Variants in GRIK4 observed in about 807,000 individuals in gnomAD.
GRIK4 encodes glutamate ionotropic receptor kainate type subunit 4.
A neutral mutation model predicts 104.9 loss-of-function variants in GRIK4; 40 were observed. That is an observed-to-expected ratio of 0.38 (90% CI 0.30 to 0.50). The LOEUF is 0.50. Among genes scored for constraint, GRIK4 ranks in the 20% least tolerant of loss-of-function variants. The probability of loss-of-function intolerance (pLI) is 0.93; values close to 1 mark genes in which losing one functional copy is unlikely to be tolerated. For synonymous variants in GRIK4, 485 were observed against 524.9 expected, an observed-to-expected ratio of 0.92 and a Z score of 1.04; for missense variants, 1,047 against 1,308.1, an observed-to-expected ratio of 0.80 and a Z score of 3.08.
chr11:120,598,863 T>A (rs915815845), intron 1 of GRIK4, among the ~76,000 whole-genome samples: 1 of 152,254 alleles, frequency 6.6e-6, no homozygotes, highest in African/African-American at 2.4e-5. Context: ...TCCTCTGTTA[T>A]TTCATGTCTG....
chr11:120,805,398 T>C (rs1952692619), intron 4 of GRIK4, among the ~76,000 whole-genome samples: 1 of 152,192 alleles, frequency 6.6e-6, no homozygotes, highest in African/African-American at 2.4e-5. Context: ...TTTCCTCTTT[T>C]AGTGACCCAT....
At chr11:120,832,071 ACCCTCCC>A in intron 7 of GRIK4, 41 bp downstream of exon 7, 1 of 1,364,994 alleles carries the variant, frequency 7.3e-7, no homozygotes, top group Non-Finnish European at 1.0e-6. Flanking sequence ...GCTGAGCTCC[ACCCTCCC>A]CCCTCCTTGC....
chr11:120,780,910 T>G (rs1952143750), intron 3 of GRIK4, among the ~76,000 whole-genome samples: 1 of 151,954 alleles, frequency 6.6e-6, no homozygotes, highest in Non-Finnish European at 1.5e-5. Context: ...CCTGGCTAAT[T>G]TTTTTGCATT....
chr11:120,688,685 A>G (rs919952371), intron 3 of GRIK4, among the ~76,000 whole-genome samples: 1 of 152,250 alleles, frequency 6.6e-6, no homozygotes, highest in Admixed American at 6.5e-5. Context: ...CAATATGGAG[A>G]TCTGCATGAG....
chr11:120,683,845 A>G (rs1164044791), intron 3 of GRIK4, among the ~76,000 whole-genome samples: 3 of 152,248 alleles, frequency 2.0e-5, no homozygotes, highest in Non-Finnish European at 4.4e-5. Flanking sequence ...AAGGGTCTTG[A>G]CAGACCAGCA....
intron 1 of GRIK4, among the ~76,000 whole-genome samples, chr11:120,607,950 GA>G (rs1948982752): frequency 6.6e-6 from 1 of 152,174 alleles, no homozygotes; most frequent in Non-Finnish European, 1.5e-5. Context: ...GAAGAGATTG[GA>G]AAAGACAGTG....
intron 1 of GRIK4, among the ~76,000 whole-genome samples, chr11:120,590,048 C>T (rs565746882): frequency 4.6e-5 from 7 of 152,308 alleles, no homozygotes; most frequent in Non-Finnish European, 1.0e-4. Flanking sequence ...TAGCTGTGTC[C>T]AAGGCCAAGG....
chr11:120,746,579 A>T (rs1951442177), intron 3 of GRIK4, among the ~76,000 whole-genome samples: 1 of 152,210 alleles, frequency 6.6e-6, no homozygotes, highest in Non-Finnish European at 1.5e-5. Flanking sequence ...AACATAAAAA[A>T]TGCCTTAGGA....
intron 3 of GRIK4, among the ~76,000 whole-genome samples, chr11:120,735,849 G>T (rs558513534): frequency 1.3e-5 from 2 of 152,254 alleles, no homozygotes; most frequent in South Asian, 4.2e-4. Context: ...CCAGACCACT[G>T]CTAATGTTCC....
chr11:120,598,917 A>T (rs1948842516), intron 1 of GRIK4, among the ~76,000 whole-genome samples: 1 of 152,180 alleles, frequency 6.6e-6, no homozygotes, highest in Admixed American at 6.5e-5. Context: ...CCAAGTCCAG[A>T]CTCAAGGGAT....
intron 1 of GRIK4, among the ~76,000 whole-genome samples, chr11:120,554,257 CAGACAAGGTTT>C (rs1948166753): frequency 6.6e-6 from 1 of 152,234 alleles, no homozygotes; most frequent in Admixed American, 6.5e-5. Flanking sequence ...ATATCATTGG[CAGACAAGGTTT>C]ATGTTCTAAA....
chr11:120,787,852 C>CTTTTTTTTTTT lies in GRIK4; in HGVS notation c.83-14822_83-14812dup, dbSNP rs58523604. 1.2e-3 allele frequency among the ~76,000 whole-genome samples: 94 copies of CTTTTTTTTTTT among 77,106 alleles called. 8 individuals are homozygous for CTTTTTTTTTTT. Among genetic ancestry groups the CTTTTTTTTTTT allele is most frequent in the Non-Finnish European group, 1.5e-3 (66 of 43,564 alleles). 50.6% of individuals were successfully genotyped at this position (77,106 alleles called of 152,430 possible). On this transcript the variant is annotated intron_variant, in intron 3 of 20. Transcript: ENST00000527524. The stretch of plus-strand genomic sequence containing the variant: ...TTTCTTCTCTTTTTTCTTTTCTTTT[C>CTTTTTTTTTTT]TTTTTTTTTTTTTTTTTTTTTTTTT...
intron 1 of GRIK4, among the ~76,000 whole-genome samples, chr11:120,607,026 G>C (rs1948971503): frequency 1.3e-5 from 2 of 152,180 alleles, no homozygotes; most frequent in African/African-American, 4.8e-5. Flanking sequence ...GAATTTGGGT[G>C]GTCTCCTGGA....
chr11:120,529,960 G>A (rs571343261), intron 1 of GRIK4, among the ~76,000 whole-genome samples: 2 of 152,310 alleles, frequency 1.3e-5, no homozygotes, highest in South Asian at 2.1e-4. Flanking sequence ...CTAGGATCCC[G>A]TTCTCCTTTT....
chr11:120,900,139 G>A (rs940305271), intron 12 of GRIK4, among the ~76,000 whole-genome samples: 7 of 152,204 alleles, frequency 4.6e-5, no homozygotes, highest in Non-Finnish European at 8.8e-5. Flanking sequence ...GGAAAGAAGG[G>A]GCATTGACGA....
intron 3 of GRIK4, among the ~76,000 whole-genome samples, chr11:120,797,770 G>A (rs1245702838): frequency 2.0e-5 from 3 of 152,212 alleles, no homozygotes; most frequent in Non-Finnish European, 4.4e-5. Context: ...ATAACTTTGA[G>A]CACAAAGTTC....
chr11:120,660,241 C>CA, intron 2 of GRIK4, 28 bp from the exon 3 acceptor site: 1 of 1,014,802 alleles, frequency 9.9e-7, no homozygotes, highest in Non-Finnish European at 1.5e-6. Context: ...GCCTGGGACT[C>CA]ACGTGCCCCC....
intron 3 of GRIK4, among the ~76,000 whole-genome samples, chr11:120,746,526 G>T (rs1951441182): frequency 6.6e-6 from 1 of 152,074 alleles, no homozygotes; most frequent in African/African-American, 2.4e-5. Context: ...GGAGGGGAGG[G>T]CTCTGTGCCC....
chr11:120,744,106 G>C (rs1489155141), intron 3 of GRIK4, among the ~76,000 whole-genome samples: 1 of 152,186 alleles, frequency 6.6e-6, no homozygotes, highest in Non-Finnish European at 1.5e-5. Flanking sequence ...CATGAAGTGA[G>C]TGCAAAGCGC....
Sources: gnomAD v4.1 joint callset for allele counts (sites outside exome capture counted in the v4.1 genomes callset) on GRCh38, gnomAD v4.1.1 for gene constraint, MANE v1.5 for transcripts, NCBI Gene and HGNC (gene_info 2026-07-23, HGNC 2026-07-21) for gene names.